RYR1: variants seen among roughly 807,000 people sequenced by gnomAD.
The protein encoded by RYR1 is central core disease of muscle.
In RYR1, 342 loss-of-function variants were observed where a neutral mutation model predicts 583.5. The observed-to-expected ratio is 0.59, with a 90% CI of 0.54 to 0.64. The LOEUF (loss-of-function observed/expected upper bound fraction) is 0.64, where lower values mean the gene tolerates loss of function less well. RYR1 is among the 30% of genes least tolerant of loss of function. The pLI is 0.00. For synonymous variants in RYR1, 2,791 were observed against 2,822.5 expected, an observed-to-expected ratio of 0.99 and a Z score of 0.35; for missense variants, 6,032 against 6,917.2, an observed-to-expected ratio of 0.87 and a Z score of 4.54.
chr19:38,556,117 C>G (rs1264714633), intron 89 of RYR1, among the ~76,000 whole-genome samples: 1 of 152,028 alleles, frequency 6.6e-6, no homozygotes, highest in African/African-American at 2.4e-5. Flanking sequence ...GCCCTCCTCA[C>G]CCTCCGAAAG....
Position 38,466,281 on chromosome 19 carries a change from G to T in RYR1, c.3061G>T (p.Val1021Leu), listed in dbSNP as rs2145447212. 1 of 1,612,576 alleles carries T rather than the reference G, an allele frequency of 6.2e-7. No homozygotes were observed. Among genetic ancestry groups the T allele is most frequent in the Non-Finnish European group, 8.5e-7 (1 of 1,179,758 alleles). ...CCCAGCGCGCCGAAACCCTCGGCTG[G>T]TGCCCTACCGCCTGCTGGATGAAGC... is the stretch of plus-strand genomic sequence containing the variant. ...DIPARRNPRL[V>L]PYRLLDEATK... The change falls in exon 24 of 106, where the codon GTG becomes TTG. Residue 1021 changes from valine (V) to leucine (L), a missense_variant. By Grantham distance (32) the Val-to-Leu change is conservative. Coordinates refer to ENST00000359596, the MANE Select transcript of RYR1 (RefSeq NM_000540.3).
Position 38,547,016 on chromosome 19 carries a change from T to C in RYR1, c.12094+490T>C, listed in dbSNP as rs1044972645. Among the ~76,000 whole-genome samples, 4 of 141,042 alleles carry C rather than the reference T, an allele frequency of 2.8e-5. 1 individual carries two copies. The highest frequency in any genetic ancestry group is 4.6e-4 in the South Asian group (2 of 4,374). 92.5% of individuals were successfully genotyped at this position (141,042 alleles called of 152,430 possible). A position where few individuals can be genotyped will look rare whatever the true frequency, so the allele number is the denominator to read the frequency against. On this transcript the variant is annotated intron_variant, in intron 88 of 105. Coordinates refer to ENST00000359596, the MANE Select transcript of RYR1 (RefSeq NM_000540.3). Reference sequence around the variant, plus strand: ...TGGCAAAAGATAAACAATTGATGAATGTGGATATATTAGGATCCCTTTTTT... The same window carrying C: ...TGGCAAAAGATAAACAATTGATGAACGTGGATATATTAGGATCCCTTTTTT...
chr19:38,568,581 C>CAA (rs59369147), intron 93 of RYR1, among the ~76,000 whole-genome samples: 72 of 64,884 alleles, frequency 1.1e-3, no homozygotes, highest in East Asian at 9.4e-3. Flanking sequence ...ACTAAAAATA[C>CAA]AAAAAAAAAA....
At chr19:38,567,750 C>A in intron 92 of RYR1, 23 bp from the exon 93 acceptor site, 2 of 1,614,162 alleles carry the variant, frequency 1.2e-6, no homozygotes, top group Non-Finnish European at 1.7e-6. Context: ...CACCTCCTGA[C>A]CTCTCTCTGT....
In RYR1 at chr19:38,445,463, C is replaced by A. The variant is rs77253303; in HGVS notation, c.631+786C>A. On this transcript the variant is annotated intron_variant, in intron 7 of 105. Coordinates refer to ENST00000359596, the MANE Select transcript of RYR1 (RefSeq NM_000540.3). The stretch of plus-strand genomic sequence containing the variant: ...CTAAGACTCCAGGCATGGCCCAATA[C>A]TTTGACCCCAAGTCTCATACCCCAA... 7.0e-3 allele frequency among the ~76,000 whole-genome samples: 1,064 copies of A among 152,154 alleles called. 10 individuals are homozygous for A. Among genetic ancestry groups the A allele is most frequent in the African/African-American group, 0.024 (1,001 of 41,488 alleles).
chr19:38,437,712 A>G (rs1972486844), intron 1 of RYR1, among the ~76,000 whole-genome samples: 1 of 152,048 alleles, frequency 6.6e-6, no homozygotes, highest in Non-Finnish European at 1.5e-5. Flanking sequence ...GCTACTTGGG[A>G]GGCTGAGGTG....
chr19:38,568,809 G>A (rs1352961531), intron 93 of RYR1, among the ~76,000 whole-genome samples: 2 of 151,972 alleles, frequency 1.3e-5, no homozygotes, highest in Non-Finnish European at 2.9e-5. Context: ...GAACGAAGGT[G>A]GTTCCGTCAG....
chr19:38,494,093 C>T (rs1467022142), intron 38 of RYR1, among the ~76,000 whole-genome samples: 3 of 152,096 alleles, frequency 2.0e-5, no homozygotes, highest in Non-Finnish European at 2.9e-5. Context: ...CACTTGAGCC[C>T]GGGAGTTCGA....
At chr19:38,528,886 A>T in intron 75 of RYR1, 65 bp from the exon 76 acceptor site, 1 of 1,557,988 alleles carries the variant, frequency 6.4e-7, no homozygotes. Context: ...ACCAACAGGG[A>T]CATGGGGGCA....
At chr19:38,540,232 T>C (rs1972138703) in intron 84 of RYR1, among the ~76,000 whole-genome samples, 3 of 151,782 alleles carry the variant, frequency 2.0e-5, no homozygotes. Context: ...CCCAGCACTT[T>C]AGGAGGCTGA....
At chr19:38,501,453 G>A (rs1044940934) in intron 47 of RYR1, among the ~76,000 whole-genome samples, 18 of 152,188 alleles carry the variant, frequency 1.2e-4, no homozygotes, top group African/African-American at 3.1e-4. Flanking sequence ...AGCCGAGATC[G>A]TGCCGCTGCA....
intron 31 of RYR1, among the ~76,000 whole-genome samples, chr19:38,481,054 T>A (rs976101987): frequency 5.9e-5 from 9 of 152,282 alleles, no homozygotes; most frequent in African/African-American, 2.2e-4. Flanking sequence ...TATTTTAATT[T>A]ATTAAGACAG....
intron 96 of RYR1, among the ~76,000 whole-genome samples, chr19:38,574,557 A>T (rs974836316): frequency 2.0e-5 from 3 of 152,090 alleles, no homozygotes; most frequent in Non-Finnish European, 4.4e-5. Context: ...GCGTGAGCCC[A>T]GGAGTTCTAG....
At position 38,451,843 on chromosome 19, in the gene RYR1, G is replaced by T. The variant is rs193922766; in HGVS notation, c.1202G>T (p.Arg401Leu). 2 of 1,614,056 alleles carry T rather than the reference G, an allele frequency of 1.2e-6. No homozygotes were observed. Among genetic ancestry groups the T allele is most frequent in the Non-Finnish European group, 8.5e-7 (1 of 1,180,000 alleles). ...RCQQEESQAARMIHSTNGLYN... is the reference protein window; with the variant it reads ...RCQQEESQAALMIHSTNGLYN... Reference sequence around the variant, plus strand: ...CAGCAGGAGGAGTCCCAGGCCGCCCGCATGATCCACAGCACCAATGGCCTA... The same window carrying T: ...CAGCAGGAGGAGTCCCAGGCCGCCCTCATGATCCACAGCACCAATGGCCTA... Residue 401 changes from arginine (R) to leucine (L), a missense_variant, in exon 12 of 106, where the codon CGC (arginine) becomes CTC (leucine). This residue lies in a region of RYR1 where 2,627 missense variants were observed against 2,961.3 expected (regional missense o/e 0.89). Coordinates refer to ENST00000359596, the MANE Select transcript of RYR1 (RefSeq NM_000540.3).
At chr19:38,547,205 ATTTTTT>A (rs1204178433) in intron 88 of RYR1, among the ~76,000 whole-genome samples, 2 of 123,668 alleles carry the variant, frequency 1.6e-5, no homozygotes, top group Non-Finnish European at 3.4e-5. Context: ...CACCTGGCTA[ATTTTTT>A]TTTTTTTTTT....
chr19:38,535,665 T>G (rs1278017024), intron 81 of RYR1: 3 of 596,870 alleles, frequency 5.0e-6, no homozygotes, highest in Non-Finnish European at 8.9e-6. Flanking sequence ...GTGGGAGATT[T>G]AGGAGCTCTC....
intron 42 of RYR1, among the ~76,000 whole-genome samples, chr19:38,498,280 G>A (rs1383508199): frequency 2.0e-5 from 3 of 152,186 alleles, no homozygotes; most frequent in Non-Finnish European, 4.4e-5. Context: ...TCTGAGCAGA[G>A]GAGGGACGTG....
intron 17 of RYR1, among the ~76,000 whole-genome samples, 187 bp from the exon 18 acceptor site, chr19:38,457,864 C>T (rs561687881): frequency 1.3e-5 from 2 of 152,180 alleles, no homozygotes; most frequent in Non-Finnish European, 2.9e-5. Flanking sequence ...CCCTCTCCCT[C>T]TCTCTCTGTT....
Position 38,500,106 on chromosome 19 carries a change from G to C in RYR1, c.7323+90G>C. ...GCAGGCACTCGGTGACACGGAGTGAGCTCCCATATGTGGGTGGTCCTGGAC... is the reference window on the plus strand; with the variant it reads ...GCAGGCACTCGGTGACACGGAGTGACCTCCCATATGTGGGTGGTCCTGGAC... On this transcript the variant is annotated intron_variant, in intron 45 of 105. Coordinates refer to ENST00000359596, the MANE Select transcript of RYR1 (RefSeq NM_000540.3). The surrounding 1 kb of genome is among the most constrained non-coding windows in gnomAD (Gnocchi z 5.9). 2.7e-6 allele frequency: 3 copies of C among 1,123,714 alleles called. No individual in the cohort carries two copies. The highest frequency in any genetic ancestry group is 4.0e-6 in the Non-Finnish European group (3 of 755,094). The allele number at this position is 1,123,714 out of a possible 1,614,324, so 69.6% of individuals were successfully genotyped here.
Sources: gnomAD v4.1 joint callset for allele counts (sites outside exome capture counted in the v4.1 genomes callset) on GRCh38, gnomAD v4.1.1 for gene constraint, gnomAD v4.1.1 regional missense constraint, Gnocchi (gnomAD v3.1) non-coding constraint, MANE v1.5 for transcripts, NCBI Gene and HGNC (gene_info 2026-07-23, HGNC 2026-07-21) for gene names.